The following CADM2 variants were observed in gnomAD, a reference collection of about 807,000 sequenced individuals.
The protein encoded by CADM2 is cell adhesion molecule 2.
In CADM2, 12 loss-of-function variants were observed where a neutral mutation model predicts 49.8. The observed-to-expected ratio is 0.24, with a 90% confidence interval of 0.15 to 0.39. The LOEUF (loss-of-function observed/expected upper bound fraction) is 0.39, where lower values mean the gene tolerates loss of function less well. Ranked by LOEUF, CADM2 falls within the 10% of genes least tolerant of loss-of-function variation. The pLI, the probability that CADM2 is intolerant of heterozygous loss-of-function variation, is 1.00. For missense variants in CADM2, 378 were observed against 492.3 expected (o/e 0.77, Z 2.20); for synonymous variants, 214 against 175.4 (o/e 1.22, Z -1.74).
intron 1 of CADM2, among the ~76,000 whole-genome samples, chr3:85,656,862 T>A (rs1402566586): frequency 1.3e-5 from 2 of 152,112 alleles, no homozygotes; most frequent in Non-Finnish European, 2.9e-5. Context: ...CCTAATAAAT[T>A]AAATTCAAAC....
chr3:85,167,872 C>A (rs2040512730), intron 1 of CADM2, among the ~76,000 whole-genome samples: 2 of 152,016 alleles, frequency 1.3e-5, no homozygotes, highest in Admixed American at 1.3e-4. Context: ...CTACACATTC[C>A]TTGGGCTTTC....
In CADM2 at chr3:85,541,728, A is replaced by ATTT. The variant is rs1474142970; in HGVS notation, c.62-184793_62-184792insTTT. 1.1e-3 allele frequency among the ~76,000 whole-genome samples: 131 copies of ATTT among 117,950 alleles called. 1 individual carries two copies. The highest frequency in any genetic ancestry group is 8.8e-3 in the Middle Eastern group (2 of 228). 77.4% of individuals were successfully genotyped at this position (117,950 alleles called of 152,430 possible). A position where few individuals can be genotyped will look rare whatever the true frequency, so the allele number is the denominator to read the frequency against. ...TATATATATTTTATATTATATATATATATTTTATATATATATTTTATATAT... is the reference window on the plus strand; with the variant it reads ...TATATATATTTTATATTATATATATATTTTATTTTATATATATATTTTATATAT... On this transcript the variant is annotated intron_variant, in intron 1 of 9. Coordinates refer to ENST00000383699, the MANE Select transcript of CADM2 (RefSeq NM_001167675.2).
chr3:86,058,880 G>A lies in CADM2; in HGVS notation c.971-6725G>A, dbSNP rs191499088. 4.0e-3 allele frequency among the ~76,000 whole-genome samples: 611 copies of A among 151,994 alleles called. 10 individuals are homozygous for A. The highest frequency in any genetic ancestry group is 0.012 in the African/African-American group (506 of 41,480). On this transcript the variant is annotated intron_variant, in intron 8 of 9. Transcript: ENST00000383699. ...AGGCCTAAGCAGGTGGATCACCTGA[G>A]GTCAGCAGTTCAAGACCAGCCTGGT...
At chr3:85,646,081 C>T (rs1395629845) in intron 1 of CADM2, among the ~76,000 whole-genome samples, 1 of 151,962 alleles carries the variant, frequency 6.6e-6, no homozygotes, top group Non-Finnish European at 1.5e-5. Context: ...TGGATCATTT[C>T]CTGTCATTTC....
At chr3:84,964,686 T>G (rs1559592668) in intron 1 of CADM2, among the ~76,000 whole-genome samples, 1 of 152,142 alleles carries the variant, frequency 6.6e-6, no homozygotes, top group Non-Finnish European at 1.5e-5. Context: ...TTAAAATAGT[T>G]CTAGTGCCCA....
intron 4 of CADM2, among the ~76,000 whole-genome samples, chr3:85,884,719 T>G (rs115729875): frequency 0.011 from 1,595 of 150,978 alleles, 40 homozygotes; most frequent in African/African-American, 0.038. Context: ...CTTCCAATAT[T>G]CTTCTTCTTT....
chr3:85,783,750 A>C (rs541858726), intron 2 of CADM2, among the ~76,000 whole-genome samples: 25 of 152,326 alleles, frequency 1.6e-4, no homozygotes, highest in African/African-American at 6.0e-4. Context: ...AGTTTACTGG[A>C]TTATCTTATC....
chr3:85,134,243 C>T (rs1294380120), intron 1 of CADM2, among the ~76,000 whole-genome samples: 2 of 152,208 alleles, frequency 1.3e-5, no homozygotes, highest in African/African-American at 2.4e-5. Context: ...CGCGCGTCTC[C>T]CTCCACACCT....
At chr3:85,815,744 C>T (rs1306333364) in intron 3 of CADM2, among the ~76,000 whole-genome samples, 11 of 151,852 alleles carry the variant, frequency 7.2e-5, no homozygotes, top group South Asian at 4.2e-4. Flanking sequence ...AGTTCTGGCC[C>T]GGACAATGAG....
intron 1 of CADM2, among the ~76,000 whole-genome samples, chr3:85,192,394 T>A (rs1226941809): frequency 6.6e-6 from 1 of 151,988 alleles, no homozygotes; most frequent in Admixed American, 6.6e-5. Flanking sequence ...ACCTTATTTT[T>A]AAAAAATTGT....
intron 1 of CADM2, among the ~76,000 whole-genome samples, chr3:85,235,856 T>C (rs555635528): frequency 6.6e-6 from 1 of 152,290 alleles, no homozygotes; most frequent in African/African-American, 2.4e-5. Flanking sequence ...AATAGTATAA[T>C]GGATTTTTAA....
At position 85,631,236 on chromosome 3, in the gene CADM2, T is replaced by C. The variant is rs542790835; in HGVS notation, c.62-95286T>C. Among the ~76,000 whole-genome samples, 4 of 152,128 alleles carry C rather than the reference T, an allele frequency of 2.6e-5. No individual in the cohort carries two copies. The South Asian group carries it at 6.2e-4, about 24-fold the overall frequency. ...ACTCTACCTGAACTATCTCCCACTCTCTCCAAGTCTTCTTCATCTTGTCCA... is the reference window on the plus strand; with the variant it reads ...ACTCTACCTGAACTATCTCCCACTCCCTCCAAGTCTTCTTCATCTTGTCCA... On this transcript the variant is annotated intron_variant, in intron 1 of 9. Transcript: ENST00000383699.
chr3:85,556,243 T>C (rs1307963109), intron 1 of CADM2, among the ~76,000 whole-genome samples: 1 of 152,060 alleles, frequency 6.6e-6, no homozygotes, highest in South Asian at 2.1e-4. Context: ...AGAGGAAATA[T>C]ATTTAGTATT....
At chr3:84,994,030 G>A (rs563709185) in intron 1 of CADM2, among the ~76,000 whole-genome samples, 6 of 152,246 alleles carry the variant, frequency 3.9e-5, no homozygotes, top group African/African-American at 1.4e-4. Context: ...AGCATTATGA[G>A]ATTCCAGAAA....
chr3:85,775,844 T>A (rs1291505902), intron 2 of CADM2, among the ~76,000 whole-genome samples: 1 of 151,910 alleles, frequency 6.6e-6, no homozygotes, highest in African/African-American at 2.4e-5. Flanking sequence ...CATGTCCACA[T>A]GTTATTAGGT....
intron 1 of CADM2, among the ~76,000 whole-genome samples, chr3:85,629,110 A>G (rs2064224039): frequency 6.6e-6 from 1 of 151,928 alleles, no homozygotes; most frequent in Admixed American, 6.6e-5. Flanking sequence ...AACCTCAGAC[A>G]GCATATTATA....
At chr3:85,722,340 T>G (rs2067534843) in intron 1 of CADM2, among the ~76,000 whole-genome samples, 1 of 152,182 alleles carries the variant, frequency 6.6e-6, no homozygotes, top group Non-Finnish European at 1.5e-5. Flanking sequence ...AAATCATAGA[T>G]GTCAGGAATC....
At chr3:85,225,834 C>T (rs2042147372) in intron 1 of CADM2, among the ~76,000 whole-genome samples, 3 of 152,074 alleles carry the variant, frequency 2.0e-5, no homozygotes, top group African/African-American at 7.2e-5. Context: ...TTGTTGAAGG[C>T]CTTTTCTGCA....
At chr3:85,550,319 A>G (rs1222452211) in intron 1 of CADM2, among the ~76,000 whole-genome samples, 1 of 152,192 alleles carries the variant, frequency 6.6e-6, no homozygotes, top group Non-Finnish European at 1.5e-5. Flanking sequence ...TTGCTCAAGT[A>G]TTTGATATGG....
Sources: gnomAD v4.1 joint callset for allele counts (sites outside exome capture counted in the v4.1 genomes callset) on GRCh38, gnomAD v4.1.1 for gene constraint, MANE v1.5 for transcripts, NCBI Gene and HGNC (gene_info 2026-07-23, HGNC 2026-07-21) for gene names.